The following GRIA1 variants were observed in gnomAD, a reference collection of about 807,000 sequenced individuals.
The protein encoded by GRIA1 is glutamate ionotropic receptor AMPA type subunit 1, also known as glutamate receptor 1.
Under a neutral mutation model 99.2 loss-of-function variants are expected in GRIA1, and 31 were observed. The ratio of observed to expected loss-of-function variants is 0.31; its 90% CI spans 0.23 to 0.42. The LOEUF is 0.42. Among genes scored for constraint, GRIA1 ranks in the 10% least tolerant of loss-of-function variants. The pLI, the probability that GRIA1 is intolerant of heterozygous loss-of-function variation, is 1.00. For synonymous variants in GRIA1, 438 were observed against 432.4 expected (o/e 1.01, Z -0.16); for missense variants, 782 against 1,157.5 (o/e 0.68, Z 4.71).
chr5:153,665,404 T>C (rs1192726585), intron 5 of GRIA1, among the ~76,000 whole-genome samples: 1 of 152,214 alleles, frequency 6.6e-6, no homozygotes, highest in Admixed American at 6.5e-5. Flanking sequence ...ATATTTATGG[T>C]GTTTTCACTG....
At chr5:153,511,496 AT>A (rs972480586) in intron 2 of GRIA1, among the ~76,000 whole-genome samples, 3 of 152,144 alleles carry the variant, frequency 2.0e-5, no homozygotes, top group South Asian at 4.1e-4. Context: ...TCTTCCTGGA[AT>A]TTTTTTTGAA....
intron 2 of GRIA1, among the ~76,000 whole-genome samples, chr5:153,539,492 G>A (rs1758872338): frequency 6.6e-6 from 1 of 152,164 alleles, no homozygotes; most frequent in African/African-American, 2.4e-5. Context: ...CTCACATTGG[G>A]AAATTCCACT....
At position 153,743,626 on chromosome 5, in the gene GRIA1, A is replaced by C. The variant is rs192508269; in HGVS notation, c.1824-20808A>C. ...CCTCAAATTAAATCCCTCCCACTTC[A>C]AATCTCTCTGTCTTCCTCTTCTTCC... On this transcript the variant is annotated intron_variant, in intron 11 of 15. Coordinates refer to ENST00000285900, the MANE Select transcript of GRIA1 (RefSeq NM_000827.4). 1.1e-4 allele frequency among the ~76,000 whole-genome samples: 17 copies of C among 152,214 alleles called. No individual in the cohort carries two copies. In the East Asian group the frequency reaches 2.9e-3, roughly 26 times the overall value.
chr5:153,776,111 G>C (rs764509602), intron 13 of GRIA1, among the ~76,000 whole-genome samples: 7 of 152,156 alleles, frequency 4.6e-5, no homozygotes, highest in Non-Finnish European at 7.3e-5. Context: ...TACCCTGGCG[G>C]TGGTTTGCGA....
chr5:153,644,314 G>C (rs990035403), intron 2 of GRIA1, among the ~76,000 whole-genome samples: 1 of 152,158 alleles, frequency 6.6e-6, no homozygotes, highest in African/African-American at 2.4e-5. Context: ...ACTCATTAGG[G>C]TGGAGGAGAA....
chr5:153,624,557 A>T (rs1767397921), intron 2 of GRIA1, among the ~76,000 whole-genome samples: 1 of 152,182 alleles, frequency 6.6e-6, no homozygotes, highest in South Asian at 2.1e-4. Flanking sequence ...GGAAGACAAG[A>T]TTTTACAGTA....
chr5:153,739,532 G>C (rs774021333), intron 11 of GRIA1, among the ~76,000 whole-genome samples: 6 of 152,126 alleles, frequency 3.9e-5, no homozygotes, highest in Non-Finnish European at 7.4e-5. Flanking sequence ...TCTGCGCCAG[G>C]GTTCAGCTTT....
At chr5:153,575,866 A>G (rs913968205) in intron 2 of GRIA1, among the ~76,000 whole-genome samples, 1 of 152,152 alleles carries the variant, frequency 6.6e-6, no homozygotes, top group Non-Finnish European at 1.5e-5. Context: ...TAGACAAGGG[A>G]GTGATGGATT....
chr5:153,694,025 T>C (rs1757934134), intron 8 of GRIA1, among the ~76,000 whole-genome samples: 1 of 152,200 alleles, frequency 6.6e-6, no homozygotes, highest in South Asian at 2.1e-4. Context: ...TTTTGTTTTA[T>C]CTCCCTACAA....
chr5:153,742,592 C>T (rs1386166426), intron 11 of GRIA1, among the ~76,000 whole-genome samples: 1 of 152,142 alleles, frequency 6.6e-6, no homozygotes, highest in Non-Finnish European at 1.5e-5. Context: ...GCAAAATCCA[C>T]TTCCTGTGTT....
intron 14 of GRIA1, among the ~76,000 whole-genome samples, chr5:153,801,592 A>C (rs1480559118): frequency 6.6e-6 from 1 of 152,198 alleles, no homozygotes; most frequent in Non-Finnish European, 1.5e-5. Context: ...CAGGCAACAG[A>C]TATTTCTAAA....
intron 13 of GRIA1, among the ~76,000 whole-genome samples, chr5:153,787,529 C>CTTTTTTTG (rs59003673): frequency 0.25 from 38,075 of 151,624 alleles, 6,331 homozygotes; most frequent in East Asian, 0.9. Flanking sequence ...ATGCCTGATT[C>CTTTTTTTG]TTTTTTTGTT....
chr5:153,493,195 A>C (rs1754086179), intron 1 of GRIA1, among the ~76,000 whole-genome samples: 1 of 152,226 alleles, frequency 6.6e-6, no homozygotes, highest in Admixed American at 6.5e-5. Flanking sequence ...CTAAGATCCC[A>C]CATCTTTGAA....
rs769901040 is a variant in GRIA1, at chr5:153,656,383, T to TTTTA, written c.699+512_699+513insTTAT. Among the ~76,000 whole-genome samples the TTTTA allele has an allele frequency of 2.5e-3, 236 of 92,660 alleles. 1 individual carries two copies. The highest frequency in any genetic ancestry group is 0.016 in the Middle Eastern group (3 of 184). 60.8% of individuals were successfully genotyped at this position (92,660 alleles called of 152,430 possible). On this transcript the variant is annotated intron_variant, in intron 5 of 15. Transcript: ENST00000285900. ...TTCTATATGGCATAGATAAGTTTGTTTATATATATATATATATATATATAT... is the reference window on the plus strand; with the variant it reads ...TTCTATATGGCATAGATAAGTTTGTTTTTATATATATATATATATATATATATAT...
chr5:153,670,747 G>T (rs967299943), intron 5 of GRIA1, among the ~76,000 whole-genome samples: 2 of 151,976 alleles, frequency 1.3e-5, no homozygotes, highest in African/African-American at 4.8e-5. Flanking sequence ...GTTCCCCGGG[G>T]AACAGAATGA....
chr5:153,715,899 TAGGG>T (rs1358432176), intron 11 of GRIA1, among the ~76,000 whole-genome samples: 1 of 152,182 alleles, frequency 6.6e-6, no homozygotes, highest in African/African-American at 2.4e-5. Flanking sequence ...AATCGGCTAA[TAGGG>T]AGAATTTCCA....
intron 11 of GRIA1, among the ~76,000 whole-genome samples, chr5:153,750,503 CTCCT>C (rs758037070): frequency 6.6e-6 from 1 of 152,158 alleles, no homozygotes; most frequent in Non-Finnish European, 1.5e-5. Context: ...CCATATCCAA[CTCCT>C]TGTCAGAGAT....
chr5:153,806,989 C>A (rs1309282041), intron 15 of GRIA1, among the ~76,000 whole-genome samples: 1 of 152,224 alleles, frequency 6.6e-6, no homozygotes, highest in Non-Finnish European at 1.5e-5. Context: ...TGTCCTCCTT[C>A]AACCACATGG....
At chr5:153,516,880 A>C (rs1018062973) in intron 2 of GRIA1, among the ~76,000 whole-genome samples, 11 of 152,234 alleles carry the variant, frequency 7.2e-5, no homozygotes, top group Non-Finnish European at 1.6e-4. Flanking sequence ...ACTGAGCTTG[A>C]TCTAGAGCTG....
Sources: gnomAD v4.1 joint callset for allele counts (sites outside exome capture counted in the v4.1 genomes callset) on GRCh38, gnomAD v4.1.1 for gene constraint, MANE v1.5 for transcripts, NCBI Gene and HGNC (gene_info 2026-07-23, HGNC 2026-07-21) for gene names.